Variants in C12orf42 observed in about 807,000 individuals in gnomAD.
C12orf42 encodes chromosome 12 open reading frame 42, also known as uncharacterized protein C12orf42.
Under a neutral mutation model 21.6 loss-of-function variants are expected in C12orf42, and 25 were observed. The observed-to-expected ratio is 1.16, with a 90% CI of 0.84 to 1.62. The LOEUF (loss-of-function observed/expected upper bound fraction) is 1.62, where lower values mean the gene tolerates loss of function less well. Ranked by LOEUF, C12orf42 falls within the 40% of genes most tolerant of loss-of-function variation. The pLI, the probability that C12orf42 is intolerant of heterozygous loss-of-function variation, is 0.00. For synonymous variants in C12orf42, 174 were observed against 175.0 expected, an observed-to-expected ratio of 0.99 and a Z score of 0.05; for missense variants, 483 against 459.3, an observed-to-expected ratio of 1.05 and a Z score of -0.47.
At chr12:103,465,516 T>C (rs576741506) in intron 2 of C12orf42, among the ~76,000 whole-genome samples, 1 of 152,188 alleles carries the variant, frequency 6.6e-6, no homozygotes, top group Non-Finnish European at 1.5e-5. Context: ...TGATGGAGTT[T>C]TCTAGATACA....
the C12orf42 span, among the ~76,000 whole-genome samples, chr12:103,129,208 A>C: frequency 6.6e-6 from 1 of 152,310 alleles, no homozygotes; most frequent in African/African-American, 2.4e-5. Context: ...GGAGAGAGAG[A>C]AACTGCTGAA....
At chr12:103,379,144 A>G (rs1438475893) in intron 3 of C12orf42, among the ~76,000 whole-genome samples, 9 of 152,184 alleles carry the variant, frequency 5.9e-5, no homozygotes, top group Non-Finnish European at 1.3e-4. Context: ...GGTTCTAGAA[A>G]TCAGCTTTCT....
chr12:103,509,873 G>C, the C12orf42 span, among the ~76,000 whole-genome samples: 1 of 152,202 alleles, frequency 6.6e-6, no homozygotes, highest in Non-Finnish European at 1.5e-5. Context: ...TGGCAGGGAT[G>C]CGGTGAAAAG....
chr12:103,166,046 A>G, the C12orf42 span, among the ~76,000 whole-genome samples: 9 of 147,150 alleles, frequency 6.1e-5, no homozygotes, highest in African/African-American at 2.4e-4. Flanking sequence ...TCTCAAAAAA[A>G]AAAGAAAGAA....
At chr12:103,515,341 G>A in the C12orf42 span, among the ~76,000 whole-genome samples, 1 of 152,186 alleles carries the variant, frequency 6.6e-6, no homozygotes, top group African/African-American at 2.4e-5. Context: ...CAAAGCAGGA[G>A]ATCCTTAGGG....
the C12orf42 span, among the ~76,000 whole-genome samples, chr12:103,084,442 G>T: frequency 2.6e-5 from 4 of 152,040 alleles, no homozygotes; most frequent in African/African-American, 9.7e-5. Context: ...AGAATGTGCA[G>T]GTTTGTTAGA....
intron 3 of C12orf42, among the ~76,000 whole-genome samples, chr12:103,382,966 A>G (rs7976887): frequency 0.68 from 102,538 of 151,908 alleles, 34,784 homozygotes; most frequent in Admixed American, 0.75. Context: ...AGCAGCAAAG[A>G]CACTTTGCTC....
chr12:103,071,382 C>G, the C12orf42 span, among the ~76,000 whole-genome samples: 2 of 152,094 alleles, frequency 1.3e-5, no homozygotes, highest in Non-Finnish European at 2.9e-5. Flanking sequence ...CCTAGCAACA[C>G]CCACCTTCCA....
chr12:103,317,529 G>A (rs2136773673), intron 4 of C12orf42, among the ~76,000 whole-genome samples: 1 of 152,320 alleles, frequency 6.6e-6, no homozygotes. Context: ...TTTCAAACAT[G>A]AGATATAATT....
intron 5 of C12orf42, among the ~76,000 whole-genome samples, chr12:103,304,917 T>C (rs982703163): frequency 6.6e-6 from 1 of 152,172 alleles, no homozygotes; most frequent in Non-Finnish European, 1.5e-5. Flanking sequence ...TCAAAATCTA[T>C]CTCTTGTCTT....
the C12orf42 span, among the ~76,000 whole-genome samples, chr12:103,186,324 C>T: frequency 1.3e-5 from 2 of 152,168 alleles, no homozygotes; most frequent in Non-Finnish European, 2.9e-5. Context: ...CAAATTGTAG[C>T]TAATAGTAAA....
chr12:103,091,837 T>C, the C12orf42 span, among the ~76,000 whole-genome samples: 1 of 152,226 alleles, frequency 6.6e-6, no homozygotes, highest in African/African-American at 2.4e-5. Flanking sequence ...TGTTGTTTTC[T>C]TACAAGACCA....
At chr12:103,130,950 C>A in the C12orf42 span, among the ~76,000 whole-genome samples, 31 of 152,204 alleles carry the variant, frequency 2.0e-4, no homozygotes, top group Non-Finnish European at 3.8e-4. Context: ...TATACCCACA[C>A]AAACACCCTT....
chr12:103,300,274 T>C (rs752718053), downstream of C12orf42, among the ~76,000 whole-genome samples: 4 of 152,206 alleles, frequency 2.6e-5, no homozygotes, highest in Non-Finnish European at 5.9e-5. Context: ...TATCAGATTT[T>C]TTTTATTATG....
At chr12:103,335,909 G>T (rs770867612) in intron 4 of C12orf42, among the ~76,000 whole-genome samples, 2 of 152,134 alleles carry the variant, frequency 1.3e-5, no homozygotes, top group Non-Finnish European at 2.9e-5. Flanking sequence ...TTTTATATTT[G>T]ACTCAATTAG....
chr12:103,211,238 A>G, the C12orf42 span, among the ~76,000 whole-genome samples: 4 of 152,196 alleles, frequency 2.6e-5, no homozygotes. Context: ...ACATCTTTAA[A>G]AACTAATGCA....
upstream of C12orf42, among the ~76,000 whole-genome samples, chr12:103,500,632 A>G (rs1420398070): frequency 6.6e-6 from 1 of 152,234 alleles, no homozygotes; most frequent in Non-Finnish European, 1.5e-5. Context: ...ATCAGATGAG[A>G]ATCAGTGTCA....
the C12orf42 span, among the ~76,000 whole-genome samples, chr12:103,214,476 G>T: frequency 6.6e-6 from 1 of 152,112 alleles, no homozygotes; most frequent in East Asian, 1.9e-4. Flanking sequence ...TCACTTTAGT[G>T]GGACCAGCTC....
the C12orf42 span, among the ~76,000 whole-genome samples, chr12:103,529,191 A>G: frequency 6.6e-6 from 1 of 152,252 alleles, no homozygotes; most frequent in African/African-American, 2.4e-5. Flanking sequence ...GTGTCAAATC[A>G]TCACAATGAA....
Sources: gnomAD v4.1 joint callset for allele counts (sites outside exome capture counted in the v4.1 genomes callset) on GRCh38, gnomAD v4.1.1 for gene constraint, MANE v1.5 for transcripts, NCBI Gene and HGNC (gene_info 2026-07-23, HGNC 2026-07-21) for gene names.